The following FOXP4 variants were observed in gnomAD, a reference collection of about 807,000 sequenced individuals.
The protein encoded by FOXP4 is forkhead box protein P4.
FOXP4 carries 25 observed loss-of-function variants against 82.6 expected under a neutral mutation model. That is an observed-to-expected ratio of 0.30 (90% confidence interval 0.22 to 0.42). The LOEUF (loss-of-function observed/expected upper bound fraction) is 0.42, where lower values mean the gene tolerates loss of function less well. FOXP4 is among the 10% of genes least tolerant of loss of function. FOXP4 has a pLI of 1.00. For synonymous variants in FOXP4, 415 were observed against 388.2 expected, an observed-to-expected ratio of 1.07 and a Z score of -0.81; for missense variants, 785 against 900.9, an observed-to-expected ratio of 0.87 and a Z score of 1.65.
chr6:41,564,328 A>G (rs1160160635), intron 1 of FOXP4, among the ~76,000 whole-genome samples: 1 of 152,172 alleles, frequency 6.6e-6, no homozygotes, highest in Non-Finnish European at 1.5e-5. Flanking sequence ...CTGAGACAGG[A>G]TAATTGCTTG....
rs928337184 is a variant in FOXP4, at chr6:41,593,540, A to G, written c.1537-1330A>G. On this transcript the variant is annotated intron_variant, in intron 13 of 16. Transcript: ENST00000307972. This position sits in a 1 kb window ranked among gnomAD's most constrained non-coding sequence, Gnocchi z 4.1. The stretch of plus-strand genomic sequence containing the variant: ...TCATCACGAATCAGGCTTCGAAATG[A>G]GGGAAAAAAGCCCCGGTGAGGCCAT... 5.9e-5 allele frequency among the ~76,000 whole-genome samples: 9 copies of G among 152,216 alleles called. No individual in the cohort carries two copies. Among genetic ancestry groups the G allele is most frequent in the Admixed American group, 2.0e-4 (3 of 15,286 alleles).
intron 3 of FOXP4, among the ~76,000 whole-genome samples, chr6:41,583,248 A>T (rs1398160799): frequency 3.3e-5 from 5 of 152,150 alleles, no homozygotes; most frequent in Non-Finnish European, 7.4e-5. Flanking sequence ...GAGCCATGGG[A>T]TTCCCCAATG....
At chr6:41,554,142 T>C (rs539494752) in intron 1 of FOXP4, among the ~76,000 whole-genome samples, 1 of 152,152 alleles carries the variant, frequency 6.6e-6, no homozygotes, top group African/African-American at 2.4e-5. Context: ...ATTATCACTC[T>C]CATTTGATAG....
At chr6:41,555,028 G>A (rs1764199122) in intron 1 of FOXP4, among the ~76,000 whole-genome samples, 1 of 152,130 alleles carries the variant, frequency 6.6e-6, no homozygotes. Flanking sequence ...AAAGTGGGAG[G>A]ATCAGTTGAG....
In FOXP4 at chr6:41,598,842, C is replaced by G; in HGVS notation, c.1949C>G (p.Pro650Arg). 1 of 1,582,484 alleles carries G rather than the reference C, an allele frequency of 6.3e-7. No individual in the cohort carries two copies. Among genetic ancestry groups the G allele is most frequent in the Non-Finnish European group, 8.6e-7 (1 of 1,165,542 alleles). ...GCAGAGGCAGAGGAAGACAGGCAGCCCGGGCCTCCCCTGGGCGCCCCTAAC... is the reference window on the plus strand; with the variant it reads ...GCAGAGGCAGAGGAAGACAGGCAGCGCGGGCCTCCCCTGGGCGCCCCTAAC... ...EPAEAEEDRQ[P>R]GPPLGAPNPS... Residue 650 changes from proline to arginine, a missense_variant, in exon 17 of 17, where the codon CCC becomes CGC. By Grantham distance (103) the Pro-to-Arg change is moderately radical (BLOSUM62 -2). Around this residue, in one of 3 missense-constraint regions of FOXP4, gnomAD observed 184 missense variants for 187.3 expected, o/e 0.98. Coordinates refer to ENST00000307972, the MANE Select transcript of FOXP4 (RefSeq NM_001012426.2).
Position 41,591,330 on chromosome 6 carries a change from A to C in FOXP4, c.1536+8A>C. 1 of 1,585,388 alleles carries C rather than the reference A, an allele frequency of 6.3e-7. No homozygotes were observed. ...AACACTGCCACCTGGAAGGTGAAGC[A>C]GGCCCCTTCCACCTTCTGGGCCCCA... On this transcript the variant is annotated splice_region_variant and intron_variant, in intron 13 of 16. Coordinates refer to ENST00000307972, the MANE Select transcript of FOXP4 (RefSeq NM_001012426.2). The surrounding 1 kb of genome is among the most constrained non-coding windows in gnomAD (Gnocchi z 4.2).
At chr6:41,557,902 C>T (rs1324052589) in intron 1 of FOXP4, among the ~76,000 whole-genome samples, 1 of 152,154 alleles carries the variant, frequency 6.6e-6, no homozygotes, top group Non-Finnish European at 1.5e-5. Context: ...GCAGATTCAC[C>T]TTACAAATCG....
At chr6:41,567,259 A>G (rs1215220744) in intron 2 of FOXP4, among the ~76,000 whole-genome samples, 1 of 152,206 alleles carries the variant, frequency 6.6e-6, no homozygotes, top group Non-Finnish European at 1.5e-5. Flanking sequence ...TGGGTGTGCA[A>G]CACATGCAGC....
Position 41,591,289 on chromosome 6 carries a change from C to T in FOXP4, c.1503C>T (p.Phe501=), listed in dbSNP as rs761725265. The part of the protein sequence containing the change: ...NEIYNWFTRM[F]AYFRRNTATW... ...TCTATAACTGGTTCACCAGGATGTTCGCCTATTTCCGCAGAAACACTGCCA... is the reference window on the plus strand; with the variant it reads ...TCTATAACTGGTTCACCAGGATGTTTGCCTATTTCCGCAGAAACACTGCCA... The change falls in exon 13 of 17, where the codon TTC becomes TTT. Residue 501 remains phenylalanine (F), a synonymous_variant. Coordinates refer to ENST00000307972, the MANE Select transcript of FOXP4 (RefSeq NM_001012426.2). The surrounding 1 kb of genome is among the most constrained non-coding windows in gnomAD (Gnocchi z 4.2). The T allele has an allele frequency of 5.6e-6, 9 of 1,606,944 alleles. No homozygotes were observed. The highest frequency in any genetic ancestry group is 2.2e-5 in the East Asian group (1 of 44,786).
Position 41,599,221 on chromosome 6 carries a change from C to T in FOXP4, c.*285C>T. ...ACATCTGAAACTGCCTCCCCCCAAC[C>T]ACCAGCAGCAGCAGGGCCCTCCTCC... is the stretch of plus-strand genomic sequence containing the variant. On this transcript the variant is annotated 3_prime_UTR_variant, in exon 17 of 17. Coordinates refer to ENST00000307972, the MANE Select transcript of FOXP4 (RefSeq NM_001012426.2). The T allele has an allele frequency of 3.6e-6, 1 of 281,152 alleles. No individual in the cohort carries two copies. 17.4% of individuals were successfully genotyped at this position (281,152 alleles called of 1,614,324 possible).
intron 8 of FOXP4, among the ~76,000 whole-genome samples, chr6:41,588,391 C>CAA (rs1766289383): frequency 6.6e-6 from 1 of 152,246 alleles, no homozygotes; most frequent in Non-Finnish European, 1.5e-5. Flanking sequence ...CACGCTTCGT[C>CAA]AGAGGTTTAC....
At position 41,588,049 on chromosome 6, in the gene FOXP4, C is replaced by T. The variant is rs891681466; in HGVS notation, c.977+152C>T. On this transcript the variant is annotated intron_variant, in intron 8 of 16. Coordinates refer to ENST00000307972, the MANE Select transcript of FOXP4 (RefSeq NM_001012426.2). The stretch of plus-strand genomic sequence containing the variant: ...GGGTTCTAGTTCTTTCTCTGCCCCC[C>T]ACGGACTCCCTGATCACCCACTCCC... The T allele has an allele frequency of 6.7e-6, 4 of 596,510 alleles. No individual in the cohort carries two copies. The Admixed American group carries it at 8.0e-5, about 12-fold the overall frequency. 37.0% of individuals were successfully genotyped at this position (596,510 alleles called of 1,614,324 possible). A position where few individuals can be genotyped will look rare whatever the true frequency, so the allele number is the denominator to read the frequency against.
intron 2 of FOXP4, among the ~76,000 whole-genome samples, chr6:41,569,686 C>G (rs969351643): frequency 1.3e-5 from 2 of 152,152 alleles, no homozygotes; most frequent in African/African-American, 4.8e-5. Context: ...TGAGGCCACG[C>G]TGAAAGGCGT....
chr6:41,565,068 G>A (rs949277865), intron 1 of FOXP4, among the ~76,000 whole-genome samples: 2 of 152,104 alleles, frequency 1.3e-5, no homozygotes, highest in African/African-American at 2.4e-5. Context: ...AGACCCAGAC[G>A]GGGGCTAGGC....
rs367833710 is a variant in FOXP4 at position 41,584,757 on chromosome 6, C to T, written c.301-12C>T. 7.6e-5 allele frequency: 120 copies of T among 1,575,256 alleles called. No homozygotes were observed. In the African/African-American group the frequency reaches 1.3e-3, roughly 18 times the overall value. ...GGTCCAGGGGACAGGGCTAACGGGC[C>T]GAATCCTGCAGGTGCCTGTGTCGGT... On this transcript the variant is annotated splice_polypyrimidine_tract_variant and intron_variant, in intron 3 of 16. Coordinates refer to ENST00000307972, the MANE Select transcript of FOXP4 (RefSeq NM_001012426.2).
rs962602512 is a variant in FOXP4 at position 41,595,103 on chromosome 6, G to A, written c.1658+112G>A. 2.7e-6 allele frequency: 4 copies of A among 1,496,674 alleles called. No homozygotes were observed. The African/African-American group carries it at 4.1e-5, about 15-fold the overall frequency. 92.7% of individuals were successfully genotyped at this position (1,496,674 alleles called of 1,614,324 possible). A position where few individuals can be genotyped will look rare whatever the true frequency, so the allele number is the denominator to read the frequency against. On this transcript the variant is annotated intron_variant, in intron 14 of 16. Coordinates refer to ENST00000307972, the MANE Select transcript of FOXP4 (RefSeq NM_001012426.2). ...ATGTGCACCAGATCCTTCCTGGCTG[G>A]GGGAAGGGGTGTGGGGAGAAAGGAG... is the stretch of plus-strand genomic sequence containing the variant.
At chr6:41,584,738 G>T in intron 3 of FOXP4, 31 bp from the exon 4 acceptor site, 2 of 1,553,106 alleles carry the variant, frequency 1.3e-6, no homozygotes, top group Non-Finnish European at 8.7e-7. Context: ...TTGGGGTCCA[G>T]GGGACAGGGC....
chr6:41,585,588 G>T, intron 5 of FOXP4, 71 bp downstream of exon 5: 1 of 1,398,338 alleles, frequency 7.2e-7, no homozygotes. Context: ...GAGCTGGTCA[G>T]GAGGGAATTG....
Position 41,587,071 on chromosome 6 carries a change from G to C in FOXP4, c.573G>C (p.Gln191His). 1 of 1,608,440 alleles carries C rather than the reference G, an allele frequency of 6.2e-7. No individual in the cohort carries two copies. The highest frequency in any genetic ancestry group is 8.5e-7 in the Non-Finnish European group (1 of 1,176,130). ...QQLLQMQQLQ[Q>H]QHLLNLQRQG... ...TCCTGCAAATGCAACAGTTGCAGCA[G>C]CAGCACCTGCTCAACCTGCAGAGGC... Residue 191 changes from glutamine (Q) to histidine (H), a missense_variant, in exon 6 of 17, where the codon CAG (glutamine) becomes CAC (histidine). Gln to His is a conservative substitution (Grantham distance 24). This residue lies in a region of FOXP4 where 570 missense variants were observed against 634.0 expected (regional missense o/e 0.90). Coordinates refer to ENST00000307972, the MANE Select transcript of FOXP4 (RefSeq NM_001012426.2).
Sources: gnomAD v4.1 joint callset for allele counts (sites outside exome capture counted in the v4.1 genomes callset) on GRCh38, gnomAD v4.1.1 for gene constraint, gnomAD v4.1.1 regional missense constraint, Gnocchi (gnomAD v3.1) non-coding constraint, MANE v1.5 for transcripts, NCBI Gene and HGNC (gene_info 2026-07-23, HGNC 2026-07-21) for gene names.